The following BICC1 variants were observed in gnomAD, a reference collection of about 807,000 sequenced individuals.
BICC1 encodes the protein BicC family RNA binding protein 1.
In BICC1, 43 loss-of-function variants were observed where a neutral mutation model predicts 111.0. That is an observed-to-expected ratio of 0.39 (90% confidence interval 0.30 to 0.50). BICC1 has a LOEUF of 0.50. Among genes scored for constraint, BICC1 ranks in the 20% least tolerant of loss-of-function variants. The probability of loss-of-function intolerance (pLI) is 0.88; values close to 1 mark genes in which losing one functional copy is unlikely to be tolerated. For missense variants in BICC1, 1,091 were observed against 1,203.2 expected (o/e 0.91, Z 1.38); for synonymous variants, 467 against 434.4 (o/e 1.07, Z -0.93).
At chr10:58,571,901 GA>G (rs1322482680) in intron 1 of BICC1, among the ~76,000 whole-genome samples, 4 of 152,086 alleles carry the variant, frequency 2.6e-5, no homozygotes, top group African/African-American at 9.7e-5. Flanking sequence ...GGTCTTTGAG[GA>G]ATCACCACAT....
rs1287055452 is a variant in BICC1, at chr10:58,807,033, G to A, written c.2251G>A (p.Val751Ile). The change falls in exon 17 of 21, where the codon GTC becomes ATC. Residue 751 changes from valine (V) to isoleucine (I), a missense_variant. Around this residue, in one of 3 missense-constraint regions of BICC1, gnomAD observed 17 missense variants for 46.2 expected, o/e 0.37. Transcript: ENST00000373886. ...GTTAAAGAAACCAGTGGTGACGGAG[G>A]TCAGAACGCCCACAAATACCTGGAG... ...AMLKKPVVTE[V>I]RTPTNTWSGL... 4.3e-6 allele frequency: 7 copies of A among 1,613,778 alleles called. No homozygotes were observed. Among genetic ancestry groups the A allele is most frequent in the Non-Finnish European group, 5.9e-6 (7 of 1,179,874 alleles).
chr10:58,666,759 A>T (rs948688198), intron 2 of BICC1, among the ~76,000 whole-genome samples: 2 of 152,042 alleles, frequency 1.3e-5, no homozygotes, highest in African/African-American at 2.4e-5. Context: ...AATCTACCTA[A>T]AACCTCCTAC....
intron 1 of BICC1, among the ~76,000 whole-genome samples, chr10:58,594,130 T>C (rs1021086542): frequency 6.6e-6 from 1 of 151,560 alleles, no homozygotes; most frequent in South Asian, 2.1e-4. Context: ...ATATCAGTGA[T>C]TGAAGATCAA....
intron 20 of BICC1, among the ~76,000 whole-genome samples, chr10:58,821,608 T>C (rs748091272): frequency 6.6e-6 from 1 of 151,728 alleles, no homozygotes; most frequent in Non-Finnish European, 1.5e-5. Flanking sequence ...GTTAGGTTCT[T>C]CTGTGGATAG....
At chr10:58,575,596 T>C (rs1384932346) in intron 1 of BICC1, among the ~76,000 whole-genome samples, 1 of 152,114 alleles carries the variant, frequency 6.6e-6, no homozygotes, top group East Asian at 1.9e-4. Context: ...TTGTTGGTTT[T>C]TTTTTGTTAA....
In BICC1 at chr10:58,796,396, A is replaced by G; in HGVS notation, c.1236A>G (p.Lys412=). 4 of 1,614,074 alleles carry G rather than the reference A, an allele frequency of 2.5e-6. No individual in the cohort carries two copies. Among genetic ancestry groups the G allele is most frequent in the Non-Finnish European group, 3.4e-6 (4 of 1,179,992 alleles). ...RNALNMYEAR[K]CLLGLESSGV... ...CCTTAAATATGTATGAAGCAAGGAA[A>G]TGTCTCCTCGGACTTGAAAGCAGTG... Residue 412 remains lysine (K), a synonymous_variant, in exon 10 of 21, where the codon AAA becomes AAG. Transcript: ENST00000373886.
At chr10:58,610,184 G>A (rs181453857) in intron 1 of BICC1, among the ~76,000 whole-genome samples, 21 of 152,182 alleles carry the variant, frequency 1.4e-4, no homozygotes, top group African/African-American at 4.8e-4. Flanking sequence ...CAAATTTTTG[G>A]GAATATATAT....
chr10:58,651,870 T>C (rs964064565), intron 2 of BICC1, among the ~76,000 whole-genome samples: 7 of 152,148 alleles, frequency 4.6e-5, no homozygotes, highest in Non-Finnish European at 8.8e-5. Context: ...TTGGCAAAGG[T>C]AGACATGATT....
chr10:58,618,216 G>T (rs897344419), intron 1 of BICC1, among the ~76,000 whole-genome samples: 1 of 152,080 alleles, frequency 6.6e-6, no homozygotes, highest in Non-Finnish European at 1.5e-5. Flanking sequence ...TGTGTCCAAG[G>T]CCTATGTCTC....
At chr10:58,596,970 C>T (rs934381449) in intron 1 of BICC1, among the ~76,000 whole-genome samples, 4 of 152,132 alleles carry the variant, frequency 2.6e-5, no homozygotes, top group Non-Finnish European at 4.4e-5. Flanking sequence ...TGAAAATGGC[C>T]GTACTGCCCA....
intron 3 of BICC1, among the ~76,000 whole-genome samples, chr10:58,740,858 G>A (rs1243008292): frequency 6.6e-6 from 1 of 152,184 alleles, no homozygotes; most frequent in African/African-American, 2.4e-5. Flanking sequence ...GGCGTGACAC[G>A]TGAATGGTGT....
intron 1 of BICC1, among the ~76,000 whole-genome samples, chr10:58,542,875 T>C (rs1380119553): frequency 6.7e-6 from 1 of 150,138 alleles, no homozygotes; most frequent in Non-Finnish European, 1.5e-5. Flanking sequence ...AAAAAACAAG[T>C]GTTGGTTAGG....
intron 3 of BICC1, among the ~76,000 whole-genome samples, chr10:58,727,742 T>G (rs1439288566): frequency 3.3e-5 from 5 of 152,214 alleles, no homozygotes; most frequent in Non-Finnish European, 7.3e-5. Flanking sequence ...GCAAACCTGA[T>G]TAATGTCAGT....
chr10:58,552,667 A>G (rs1410781810), intron 1 of BICC1, among the ~76,000 whole-genome samples: 1 of 152,098 alleles, frequency 6.6e-6, no homozygotes, highest in Non-Finnish European at 1.5e-5. Flanking sequence ...GTGCTATGTC[A>G]TATAGTATTT....
chr10:58,712,376 A>G (rs1259397018), intron 3 of BICC1, among the ~76,000 whole-genome samples: 2 of 152,158 alleles, frequency 1.3e-5, no homozygotes, highest in Non-Finnish European at 2.9e-5. Context: ...TTGAAAACTT[A>G]TGTCTGCACA....
intron 1 of BICC1, among the ~76,000 whole-genome samples, chr10:58,579,677 G>A (rs1844213811): frequency 6.6e-6 from 1 of 152,126 alleles, no homozygotes; most frequent in African/African-American, 2.4e-5. Flanking sequence ...GAAGTAATGG[G>A]AGTTTTCTTT....
chr10:58,727,526 A>G (rs1841144707), intron 3 of BICC1, among the ~76,000 whole-genome samples: 1 of 152,064 alleles, frequency 6.6e-6, no homozygotes, highest in South Asian at 2.1e-4. Flanking sequence ...GACTGAGGCT[A>G]CAGTGAGCCA....
At chr10:58,598,180 A>G (rs1844893225) in intron 1 of BICC1, among the ~76,000 whole-genome samples, 1 of 152,122 alleles carries the variant, frequency 6.6e-6, no homozygotes, top group South Asian at 2.1e-4. Context: ...ATGGAACCAA[A>G]AAAGAGCCTG....
chr10:58,670,908 A>G (rs375775720), intron 2 of BICC1, among the ~76,000 whole-genome samples: 12 of 152,322 alleles, frequency 7.9e-5, no homozygotes, highest in East Asian at 7.7e-4. Flanking sequence ...GAAACCTGAA[A>G]AAGCGTTATG....
Sources: allele counts gnomAD v4.1 joint callset (sites outside exome capture counted in the v4.1 genomes callset), GRCh38; gene constraint gnomAD v4.1.1; regional missense constraint gnomAD v4.1.1; transcripts MANE v1.5; gene names NCBI Gene and HGNC (gene_info 2026-07-23, HGNC 2026-07-21).